Variants in ERCC5 observed in about 807,000 individuals in gnomAD.
The protein encoded by ERCC5 is ERCC excision repair 5, endonuclease.
A neutral mutation model predicts 105.6 loss-of-function variants in ERCC5; 68 were observed. The observed-to-expected ratio is 0.64, with a 90% CI of 0.53 to 0.79. The LOEUF is 0.79. Ranked by LOEUF, ERCC5 falls within the 30% of genes least tolerant of loss-of-function variation. The pLI is 0.00. For missense variants in ERCC5, 1,373 were observed against 1,426.7 expected (o/e 0.96, Z 0.61); for synonymous variants, 546 against 526.2 (o/e 1.04, Z -0.51).
At chr13:102,849,401 G>A (rs1233580071) in intron 1 of ERCC5, 1 of 518,888 alleles carries the variant, frequency 1.9e-6, no homozygotes, top group African/African-American at 1.9e-5. Context: ...GCTTCCTGGA[G>A]ATAGGGACCG....
intron 6 of ERCC5, among the ~76,000 whole-genome samples, chr13:102,859,253 A>G (rs1882536589): frequency 1.3e-5 from 2 of 152,194 alleles, no homozygotes; most frequent in African/African-American, 4.8e-5. Context: ...AGCATCATCG[A>G]CCTTAGTGCA....
At chr13:102,875,202 C>A in intron 14 of ERCC5, 105 bp from the exon 15 acceptor site, 1 of 1,257,122 alleles carries the variant, frequency 8.0e-7, no homozygotes, top group Non-Finnish European at 1.1e-6. Flanking sequence ...TATTCTCTGA[C>A]ATAGTAATCC....
chr13:102,874,415 A>G lies in ERCC5; in HGVS notation c.2965-892A>G, dbSNP rs1475874497. ...TTTCTTAATTCCAGATGACTAGATTATATTTCATGAAAGATATTTAAATAA... is the reference window on the plus strand; with the variant it reads ...TTTCTTAATTCCAGATGACTAGATTGTATTTCATGAAAGATATTTAAATAA... On this transcript the variant is annotated intron_variant, in intron 14 of 14. Coordinates refer to ENST00000652225, the MANE Select transcript of ERCC5 (RefSeq NM_000123.4). Among the ~76,000 whole-genome samples the G allele has an allele frequency of 2.6e-5, 4 of 152,210 alleles. No individual in the cohort carries two copies. In the South Asian group the frequency reaches 8.3e-4, roughly 32 times the overall value.
chr13:102,852,203 G>C lies in ERCC5; in HGVS notation c.174G>C (p.Leu58Phe), dbSNP rs749572902. The C allele has an allele frequency of 1.7e-5, 27 of 1,613,960 alleles. No individual in the cohort carries two copies. Among genetic ancestry groups the C allele is most frequent in the Non-Finnish European group, 2.2e-5 (26 of 1,180,016 alleles). Reference sequence around the variant, plus strand: ...TAGAAAATCCTCATCTTCTCACTTTGTTTCATCGGCTCTGCAAACTCTTAT... The same window carrying C: ...TAGAAAATCCTCATCTTCTCACTTTCTTTCATCGGCTCTGCAAACTCTTAT... ...NSIENPHLLTLFHRLCKLLFF... is the reference protein window; with the variant it reads ...NSIENPHLLTFFHRLCKLLFF... Residue 58 changes from leucine (L) to phenylalanine (F), a missense_variant, in exon 2 of 15, where the codon TTG becomes TTC. Around this residue, in one of 3 missense-constraint regions of ERCC5, gnomAD observed 1,004 missense variants for 1,059.7 expected, o/e 0.95. Coordinates refer to ENST00000652225, the MANE Select transcript of ERCC5 (RefSeq NM_000123.4).
chr13:102,850,496 A>T (rs1006817343), intron 1 of ERCC5, among the ~76,000 whole-genome samples: 4 of 152,130 alleles, frequency 2.6e-5, no homozygotes, highest in African/African-American at 4.8e-5. Flanking sequence ...TTTAGATAGT[A>T]TCTTGAAGGC....
At position 102,875,293 on chromosome 13, in the gene ERCC5, T is replaced by A. The variant is rs886049941; in HGVS notation, c.2965-14T>A. ...GTCTGATTTATTATTATTATTCTTT[T>A]GTTATTTTTTTAGACACAGCTCCGA... On this transcript the variant is annotated splice_polypyrimidine_tract_variant and intron_variant, in intron 14 of 14. Transcript: ENST00000652225. 2 of 1,611,596 alleles carry A rather than the reference T, an allele frequency of 1.2e-6. No homozygotes were observed. The highest frequency in any genetic ancestry group is 1.7e-6 in the Non-Finnish European group (2 of 1,178,564).
intron 8 of ERCC5, 51 bp downstream of exon 8, chr13:102,863,154 G>A (rs567027106): frequency 8.2e-6 from 13 of 1,588,692 alleles, no homozygotes; most frequent in African/African-American, 6.7e-5. Flanking sequence ...TTTCCCCTCT[G>A]TAGGAATTCA....
chr13:102,869,887 C>T (rs1882976475), intron 12 of ERCC5, among the ~76,000 whole-genome samples: 1 of 152,074 alleles, frequency 6.6e-6, no homozygotes, highest in South Asian at 2.1e-4. Context: ...TATGCTGTTC[C>T]ACTTTTCTTT....
intron 5 of ERCC5, among the ~76,000 whole-genome samples, chr13:102,858,073 T>A (rs1292751084): frequency 6.6e-6 from 1 of 152,194 alleles, no homozygotes; most frequent in African/African-American, 2.4e-5. Flanking sequence ...TTCTTTTGAA[T>A]GAATTAAAGA....
At chr13:102,869,660 G>T (rs1424372327) in intron 12 of ERCC5, among the ~76,000 whole-genome samples, 1 of 152,104 alleles carries the variant, frequency 6.6e-6, no homozygotes, top group Non-Finnish European at 1.5e-5. Flanking sequence ...GTCTATCAGG[G>T]CTAGTTTAAT....
intron 5 of ERCC5, among the ~76,000 whole-genome samples, 187 bp downstream of exon 5, chr13:102,856,299 A>G (rs1467366806): frequency 6.6e-6 from 1 of 151,296 alleles, no homozygotes; most frequent in East Asian, 1.9e-4. Context: ...ACACACGTGT[A>G]TATATATATA....
Position 102,862,086 on chromosome 13 carries a change from A to G in ERCC5, c.937A>G (p.Lys313Glu). The stretch of plus-strand genomic sequence containing the variant: ...TTCAGAGTCTCTTCCTTCTTCCAGC[A>G]AAATGCACGGCATGTCTTTTGACGT... ...VDSESLPSSS[K>E]MHGMSFDVKS... Residue 313 changes from lysine to glutamate, a missense_variant, in exon 8 of 15, where the codon AAA becomes GAA. Transcript: ENST00000652225. The G allele has an allele frequency of 1.2e-6, 2 of 1,614,252 alleles. No homozygotes were observed. The highest frequency in any genetic ancestry group is 1.7e-6 in the Non-Finnish European group (2 of 1,180,046).
chr13:102,853,798 C>T lies in ERCC5; in HGVS notation c.306C>T (p.Ser102=). The T allele has an allele frequency of 6.2e-7, 1 of 1,614,140 alleles. No individual in the cohort carries two copies. Among genetic ancestry groups the T allele is most frequent in the Non-Finnish European group, 8.5e-7 (1 of 1,180,024 alleles). ...RQRKDLASSD[S]RKTTEKLLKT... is the part of the protein sequence containing the mutation. Reference sequence around the variant, plus strand: ...GAAAGGACTTAGCGTCCAGTGACTCCAGGAAAACGACAGAGAAGCTTCTGA... The same window carrying T: ...GAAAGGACTTAGCGTCCAGTGACTCTAGGAAAACGACAGAGAAGCTTCTGA... Residue 102 remains serine, a synonymous_variant, in exon 3 of 15, where the codon TCC becomes TCT. Coordinates refer to ENST00000652225, the MANE Select transcript of ERCC5 (RefSeq NM_000123.4).
intron 4 of ERCC5, 40 bp downstream of exon 4, chr13:102,854,414 G>A (rs773089639): frequency 1.3e-6 from 2 of 1,586,880 alleles, no homozygotes; most frequent in South Asian, 1.1e-5. Context: ...TTTAGTCATT[G>A]CTACATTCAG....
At position 102,862,205 on chromosome 13, in the gene ERCC5, G is replaced by A. The variant is rs757997865; in HGVS notation, c.1056G>A (p.Leu352=). 6.2e-7 allele frequency: 1 copy of A among 1,614,156 alleles called. No individual in the cohort carries two copies. Among genetic ancestry groups the A allele is most frequent in the East Asian group, 2.2e-5 (1 of 44,880 alleles). Residue 352 remains leucine (L), a synonymous_variant, in exon 8 of 15, where the codon CTG becomes CTA. Coordinates refer to ENST00000652225, the MANE Select transcript of ERCC5 (RefSeq NM_000123.4). ...PRTLLAMQAA[L]LGSSSEEELE... The stretch of plus-strand genomic sequence containing the variant: ...CTTTACTAGCTATGCAAGCTGCCCT[G>A]CTGGGAAGTAGCTCAGAAGAGGAGC...
chr13:102,856,227 C>CAG (rs919661472), intron 5 of ERCC5, 115 bp downstream of exon 5: 1 of 1,111,468 alleles, frequency 9.0e-7, no homozygotes. Flanking sequence ...AAAGTAAAGA[C>CAG]AGATGGCTTT....
chr13:102,866,182 C>G, intron 9 of ERCC5, 80 bp from the exon 10 acceptor site: 1 of 1,589,868 alleles, frequency 6.3e-7, no homozygotes, highest in Non-Finnish European at 8.6e-7. Flanking sequence ...TAATTTCAGT[C>G]AGACTAAATG....
At position 102,868,191 on chromosome 13, in the gene ERCC5, G is replaced by C. The variant is rs772219063; in HGVS notation, c.2612G>C (p.Cys871Ser). 5 of 1,614,218 alleles carry C rather than the reference G, an allele frequency of 3.1e-6. No homozygotes were observed. In the Middle Eastern group the frequency reaches 4.9e-4, roughly 160 times the overall value. Residue 871 changes from cysteine to serine, a missense_variant, in exon 12 of 15, where the codon TGT becomes TCT. By Grantham distance (112) the Cys-to-Ser change is moderately radical (BLOSUM62 -1). Coordinates refer to ENST00000652225, the MANE Select transcript of ERCC5 (RefSeq NM_000123.4). The stretch of plus-strand genomic sequence containing the variant: ...ACCGAAGGAATACCAACTGTGGGTT[G>C]TGTAACCGCCATGGAAATTCTCAAT... ...DYTEGIPTVG[C>S]VTAMEILNEF...
rs1371487305 is a variant in ERCC5 at position 102,861,585 on chromosome 13, C to T, written c.751C>T (p.Gln251Ter). 6.2e-7 allele frequency: 1 copy of T among 1,613,926 alleles called. No homozygotes were observed. The highest frequency in any genetic ancestry group is 1.1e-5 in the South Asian group (1 of 91,066). The change falls in exon 7 of 15, where the codon CAA (glutamine) becomes TAA (stop). Residue 251 changes from glutamine (Q) to a stop codon, truncating the protein, a stop_gained. Coordinates refer to ENST00000652225, the MANE Select transcript of ERCC5 (RefSeq NM_000123.4). LOFTEE classifies it high-confidence loss of function. ...TCTGAACCAGCATATAGAACATGTC[C>T]AAAAGGAAATGAATCAGCAACATTC... Reference protein sequence around the residue: ...NYLNQHIEHVQKEMNQQHSGH... With the variant: ...NYLNQHIEHV
Sources: gnomAD v4.1 joint callset for allele counts (sites outside exome capture counted in the v4.1 genomes callset) on GRCh38, gnomAD v4.1.1 for gene constraint, gnomAD v4.1.1 regional missense constraint, MANE v1.5 for transcripts, NCBI Gene and HGNC (gene_info 2026-07-23, HGNC 2026-07-21) for gene names.